Variants in CIMAP3 observed in about 807,000 individuals in gnomAD.
CIMAP3 encodes the protein ciliary microtubule-associated protein 3.
At chr1:111,352,217 G>C in the CIMAP3 span, 1 of 152,560 alleles carries the variant, frequency 6.6e-6, no homozygotes, top group African/African-American at 2.4e-5. Context: ...AAATAATCAA[G>C]TATATAGTTT....
chr1:111,346,226 T>TG, the CIMAP3 span: 1 of 163,210 alleles, frequency 6.1e-6, no homozygotes, highest in African/African-American at 2.4e-5. Flanking sequence ...CCTACTCCTC[T>TG]GCTGGGGCGT....
chr1:111,337,197 G>A, the CIMAP3 span, among the ~76,000 whole-genome samples: 1 of 152,046 alleles, frequency 6.6e-6, no homozygotes, highest in African/African-American at 2.4e-5. Context: ...CTTGAAGGAA[G>A]CACTAAACAT....
chr1:111,351,372 C>G, the CIMAP3 span: 3 of 1,441,024 alleles, frequency 2.1e-6, no homozygotes, highest in African/African-American at 4.4e-5. Context: ...CACAGACTCT[C>G]CAGGACTGAG....
At chr1:111,347,056 AT>A in the CIMAP3 span, 1 of 1,605,514 alleles carries the variant, frequency 6.2e-7, no homozygotes, top group African/African-American at 1.3e-5. Context: ...AGATGTGAGT[AT>A]TCACCTCCCC....
chr1:111,328,072 A>C, the CIMAP3 span, among the ~76,000 whole-genome samples: 8 of 152,172 alleles, frequency 5.3e-5, no homozygotes, highest in African/African-American at 1.9e-4. Flanking sequence ...ATTTTCAAAG[A>C]ACTTCTTGAT....
At chr1:111,352,925 A>T in the CIMAP3 span, 15 of 152,244 alleles carry the variant, frequency 9.9e-5, no homozygotes, top group African/African-American at 3.6e-4. Flanking sequence ...TTGATGAAAG[A>T]TAAAATTTTA....
the CIMAP3 span, among the ~76,000 whole-genome samples, chr1:111,335,750 T>C: frequency 1.3e-5 from 2 of 152,374 alleles, no homozygotes; most frequent in South Asian, 2.1e-4. Flanking sequence ...CCTGCCTCTG[T>C]AGGCTCCACC....
chr1:111,332,217 TA>T, the CIMAP3 span, among the ~76,000 whole-genome samples: 2 of 152,174 alleles, frequency 1.3e-5, no homozygotes, highest in African/African-American at 4.8e-5. Flanking sequence ...GTGGGGCTGT[TA>T]TGCAGTTGTT....
At chr1:111,341,295 A>G in the CIMAP3 span, among the ~76,000 whole-genome samples, 1 of 152,054 alleles carries the variant, frequency 6.6e-6, no homozygotes, top group South Asian at 2.1e-4. Flanking sequence ...CCAGCATGGC[A>G]CATGTATACA....
the CIMAP3 span, among the ~76,000 whole-genome samples, chr1:111,327,102 G>C: frequency 1.3e-5 from 2 of 149,594 alleles, no homozygotes; most frequent in Non-Finnish European, 3.0e-5. Context: ...TAATATAGTC[G>C]ATTTGTCTAT....
At chr1:111,333,287 C>T in the CIMAP3 span, among the ~76,000 whole-genome samples, 2 of 152,146 alleles carry the variant, frequency 1.3e-5, no homozygotes, top group African/African-American at 2.4e-5. Flanking sequence ...CACTGCTGGG[C>T]TTGCAACATT....
the CIMAP3 span, chr1:111,351,612 T>C: frequency 3.7e-6 from 1 of 266,824 alleles, no homozygotes; most frequent in Non-Finnish European, 7.0e-6. Flanking sequence ...GGGCCCCTGC[T>C]CTCTAGTTCT....
chr1:111,338,147 A>G, the CIMAP3 span, among the ~76,000 whole-genome samples: 1 of 151,444 alleles, frequency 6.6e-6, no homozygotes, highest in Non-Finnish European at 1.5e-5. Flanking sequence ...TTTGAAACCA[A>G]CGAGAACAAA....
chr1:111,350,033 C>T, the CIMAP3 span: 149 of 1,205,780 alleles, frequency 1.2e-4, no homozygotes, highest in Non-Finnish European at 1.7e-4. Flanking sequence ...AGTCCAGGGA[C>T]GGCTCTGGTA....
At chr1:111,326,002 AG>A in the CIMAP3 span, among the ~76,000 whole-genome samples, 1 of 151,920 alleles carries the variant, frequency 6.6e-6, no homozygotes, top group African/African-American at 2.4e-5. Flanking sequence ...AGAGGAAGAG[AG>A]TGTAAACATG....
the CIMAP3 span, among the ~76,000 whole-genome samples, chr1:111,334,022 C>T: frequency 7.9e-3 from 1,206 of 152,194 alleles, 16 homozygotes; most frequent in African/African-American, 0.027. Context: ...TCATTAATAG[C>T]TTAGGTAATA....
At chr1:111,332,705 G>A in the CIMAP3 span, among the ~76,000 whole-genome samples, 5 of 152,144 alleles carry the variant, frequency 3.3e-5, no homozygotes, top group Admixed American at 6.5e-5. Flanking sequence ...GGTCTGGAAG[G>A]GTGGCCTGTG....
the CIMAP3 span, among the ~76,000 whole-genome samples, chr1:111,337,952 C>T: frequency 1.3e-5 from 2 of 149,646 alleles, no homozygotes; most frequent in African/African-American, 2.5e-5. Context: ...GGAAGTAAAG[C>T]TCTCCTCAGC....
chr1:111,346,518 G>A, the CIMAP3 span: 1 of 1,410,592 alleles, frequency 7.1e-7, no homozygotes, highest in South Asian at 1.3e-5. Flanking sequence ...GTAGTGGCTC[G>A]GTGGACGCCC....
Sources: gnomAD v4.1 joint callset for allele counts (sites outside exome capture counted in the v4.1 genomes callset) on GRCh38, gnomAD v4.1.1 for gene constraint, MANE v1.5 for transcripts, NCBI Gene and HGNC (gene_info 2026-07-23, HGNC 2026-07-21) for gene names.